VSTM2A: variants seen among roughly 807,000 people sequenced by gnomAD.
VSTM2A encodes V-set and transmembrane domain-containing protein 2A.
VSTM2A carries 13 observed loss-of-function variants against 27.3 expected under a neutral mutation model. The observed-to-expected ratio is 0.48, with a 90% confidence interval of 0.31 to 0.76. VSTM2A has a LOEUF of 0.76. Among genes scored for constraint, VSTM2A ranks in the 30% least tolerant of loss-of-function variants. VSTM2A has a pLI of 0.05. For missense variants in VSTM2A, 280 were observed against 310.0 expected (o/e 0.90, Z 0.73); for synonymous variants, 142 against 125.7 (o/e 1.13, Z -0.87).
intron 4 of VSTM2A, chr7:54,568,858 T>G (rs1032703049): frequency 2.6e-6 from 2 of 777,428 alleles, no homozygotes; most frequent in South Asian, 3.8e-5. Flanking sequence ...TTTGTATGTG[T>G]TGTTGTTTGC....
In VSTM2A at chr7:54,549,853, A is replaced by G. The variant is rs531921428; in HGVS notation, c.317A>G (p.Asn106Ser). 2 of 1,602,008 alleles carry G rather than the reference A, an allele frequency of 1.2e-6. No homozygotes were observed. The highest frequency in any genetic ancestry group is 1.3e-5 in the African/African-American group (1 of 74,478). ...TKISTVKVQG[N>S]DISHKLQISK... ...TTTCAGACAGTGAAAGTCCAAGGCA[A>G]TGACATCTCCCACAAGCTTCAGATT... Residue 106 changes from asparagine to serine, a missense_variant, in exon 4 of 5, where the codon AAT (asparagine) becomes AGT (serine). Physicochemically the swap from Asn to Ser is conservative, Grantham distance 46. Transcript: ENST00000402613.
chr7:54,543,100 G>A (rs1787838985), intron 1 of VSTM2A, among the ~76,000 whole-genome samples: 2 of 152,120 alleles, frequency 1.3e-5, no homozygotes, highest in Admixed American at 6.5e-5. Context: ...TTCTATCTGT[G>A]TGCATGCACA....
At chr7:54,549,028 T>C (rs996170281) in intron 3 of VSTM2A, among the ~76,000 whole-genome samples, 1 of 149,866 alleles carries the variant, frequency 6.7e-6, no homozygotes, top group Non-Finnish European at 1.5e-5. Context: ...ATATAGGATA[T>C]ATAATATAAA....
chr7:54,561,801 G>A (rs1438446979), intron 4 of VSTM2A, among the ~76,000 whole-genome samples: 1 of 152,178 alleles, frequency 6.6e-6, no homozygotes, highest in Admixed American at 6.5e-5. Context: ...ATTAAAACAG[G>A]TGAGTTTTCT....
chr7:54,550,035 C>A lies in VSTM2A; in HGVS notation c.499C>A (p.Leu167Met). 6.2e-7 allele frequency: 1 copy of A among 1,610,920 alleles called. No individual in the cohort carries two copies. The highest frequency in any genetic ancestry group is 8.5e-7 in the Non-Finnish European group (1 of 1,178,552). The change falls in exon 4 of 5, where the codon CTG (leucine) becomes ATG (methionine). Residue 167 changes from leucine (L) to methionine (M), a missense_variant. Transcript: ENST00000402613. Reference protein sequence around the residue: ...MQAFEASPMWLQDMKPRKNVS... With the variant: ...MQAFEASPMWMQDMKPRKNVS... ...GGCCTTCGAAGCCTCGCCCATGTGG[C>A]TGCAGGATATGAAGCCCCGCAAGAA...
At chr7:54,546,701 C>G (rs889214861) in intron 2 of VSTM2A, 25 of 479,052 alleles carry the variant, frequency 5.2e-5, no homozygotes, top group African/African-American at 4.7e-4. Flanking sequence ...CCGGGACAGC[C>G]CCGGGACAGC....
chr7:54,546,939 G>T lies in VSTM2A; in HGVS notation c.247-8G>T. ...GCGCGGGACTGAGCGTTCGCTCCTT[G>T]CCCGCAGGTGGAGCTCTTGCCCGAC... On this transcript the variant is annotated splice_region_variant and splice_polypyrimidine_tract_variant and intron_variant, in intron 2 of 4. Coordinates refer to ENST00000402613, the MANE Select transcript of VSTM2A (RefSeq NM_001301009.2). 1.9e-6 allele frequency: 3 copies of T among 1,598,350 alleles called. No homozygotes were observed. Among genetic ancestry groups the T allele is most frequent in the Non-Finnish European group, 2.6e-6 (3 of 1,174,594 alleles).
intron 4 of VSTM2A, chr7:54,554,045 T>C (rs902560079): frequency 2.1e-5 from 33 of 1,552,638 alleles, no homozygotes; most frequent in Non-Finnish European, 2.9e-5. Flanking sequence ...CAACCCCTGG[T>C]GTGCAGAGCT....
intron 4 of VSTM2A, chr7:54,558,730 A>G (rs1254625024): frequency 6.6e-6 from 1 of 152,178 alleles, no homozygotes; most frequent in East Asian, 1.9e-4. Context: ...CAGTTAAAGA[A>G]GGACCTATTT....
chr7:54,548,827 C>T (rs894410053), intron 3 of VSTM2A, among the ~76,000 whole-genome samples: 26 of 151,782 alleles, frequency 1.7e-4, no homozygotes, highest in Non-Finnish European at 7.4e-5. Context: ...AATTTATGGC[C>T]GTTTGAAAGT....
At chr7:54,553,967 C>T in intron 4 of VSTM2A, 1 of 1,552,592 alleles carries the variant, frequency 6.4e-7, no homozygotes, top group African/African-American at 1.4e-5. Context: ...ACCCCCTTCC[C>T]ACCTTCCCAA....
intron 4 of VSTM2A, among the ~76,000 whole-genome samples, chr7:54,568,312 T>G (rs186645129): frequency 6.6e-6 from 1 of 152,314 alleles, no homozygotes; most frequent in Non-Finnish European, 1.5e-5. Flanking sequence ...TTAATCTTTC[T>G]CCAGTTAAAA....
chr7:54,543,770 G>A (rs11761023), intron 1 of VSTM2A, among the ~76,000 whole-genome samples: 1,904 of 152,250 alleles, frequency 0.013, 17 homozygotes, highest in Admixed American at 0.024. Context: ...GTGCCCCTTA[G>A]ATAAGATAAG....
intron 4 of VSTM2A, among the ~76,000 whole-genome samples, chr7:54,560,306 T>A (rs534857513): frequency 2.0e-5 from 3 of 152,306 alleles, no homozygotes; most frequent in Non-Finnish European, 4.4e-5. Flanking sequence ...AGGAACTTTG[T>A]ATTTTATTAT....
intron 4 of VSTM2A, chr7:54,553,966 C>A: frequency 6.4e-7 from 1 of 1,552,568 alleles, no homozygotes; most frequent in Non-Finnish European, 8.7e-7. Context: ...GACCCCCTTC[C>A]CACCTTCCCA....
intron 4 of VSTM2A, chr7:54,558,750 T>G (rs1788455436): frequency 6.6e-6 from 1 of 152,048 alleles, no homozygotes; most frequent in African/African-American, 2.4e-5. Flanking sequence ...TAATTAATAA[T>G]GCCAAAAGGA....
chr7:54,547,111 C>T, intron 3 of VSTM2A, 114 bp downstream of exon 3: 1 of 1,214,564 alleles, frequency 8.2e-7, no homozygotes, highest in East Asian at 2.8e-5. Flanking sequence ...GCCGGGTGCC[C>T]CTTGCTTGCC....
intron 4 of VSTM2A, among the ~76,000 whole-genome samples, chr7:54,561,952 TCTCA>T (rs1307003440): frequency 1.3e-5 from 2 of 151,938 alleles, no homozygotes; most frequent in African/African-American, 2.4e-5. Context: ...TGAGACAGAG[TCTCA>T]CTCTGTCACC....
At chr7:54,552,232 A>G (rs923010480) in intron 4 of VSTM2A, 9 of 152,234 alleles carry the variant, frequency 5.9e-5, no homozygotes, top group African/African-American at 2.2e-4. Context: ...ATATCTGCTT[A>G]TATCAAAGAG....
Sources: allele counts gnomAD v4.1 joint callset (sites outside exome capture counted in the v4.1 genomes callset), GRCh38; gene constraint gnomAD v4.1.1; transcripts MANE v1.5; gene names NCBI Gene and HGNC (gene_info 2026-07-23, HGNC 2026-07-21).